The following ACACB variants were observed in gnomAD, a reference collection of about 807,000 sequenced individuals.
The protein encoded by ACACB is acetyl-CoA carboxylase 2.
In ACACB, 209 loss-of-function variants were observed where a neutral mutation model predicts 278.8. That is an observed-to-expected ratio of 0.75 (90% CI 0.67 to 0.84). The LOEUF (loss-of-function observed/expected upper bound fraction) is 0.84. ACACB is among the 40% of genes least tolerant of loss of function. The probability of loss-of-function intolerance (pLI) is 0.00; values close to 1 mark genes in which losing one functional copy is unlikely to be tolerated. For synonymous variants in ACACB, 1,174 were observed against 1,285.6 expected, an observed-to-expected ratio of 0.91 and a Z score of 1.86; for missense variants, 2,850 against 3,269.0, an observed-to-expected ratio of 0.87 and a Z score of 3.13.
At chr12:109,168,209 AC>A (rs781030070) in intron 4 of ACACB, among the ~76,000 whole-genome samples, 175 bp downstream of exon 4, 4 of 152,192 alleles carry the variant, frequency 2.6e-5, no homozygotes, top group Non-Finnish European at 4.4e-5. Flanking sequence ...GACATCAAGA[AC>A]AACTCATGTG....
intron 41 of ACACB, among the ~76,000 whole-genome samples, chr12:109,250,667 G>A (rs771129618): frequency 2.2e-4 from 33 of 152,114 alleles, no homozygotes; most frequent in Non-Finnish European, 3.4e-4. Context: ...AGTACTAGTA[G>A]TAATTCTAGT....
At chr12:109,135,872 C>T (rs1411792171) in intron 1 of ACACB, among the ~76,000 whole-genome samples, 3 of 143,390 alleles carry the variant, frequency 2.1e-5, no homozygotes, top group Non-Finnish European at 3.0e-5. Context: ...TGCAGTGGTG[C>T]GATCTCGGCT....
At chr12:109,128,625 C>T (rs2042743231) in intron 1 of ACACB, among the ~76,000 whole-genome samples, 1 of 152,156 alleles carries the variant, frequency 6.6e-6, no homozygotes. Context: ...GGGCGTGAGC[C>T]ACTGCACCCA....
chr12:109,205,285 C>T (rs1408634490), intron 19 of ACACB, among the ~76,000 whole-genome samples: 3 of 152,170 alleles, frequency 2.0e-5, no homozygotes, highest in African/African-American at 7.2e-5. Flanking sequence ...TGAGGCAGGG[C>T]CTGCCCACCC....
intron 6 of ACACB, among the ~76,000 whole-genome samples, chr12:109,173,272 C>T (rs902855129): frequency 3.3e-5 from 5 of 152,260 alleles, no homozygotes; most frequent in African/African-American, 9.6e-5. Flanking sequence ...CATAAGTTTA[C>T]CTATATAACA....
rs751422744 is a variant in ACACB, at chr12:109,258,274, G to A, written c.6270G>A (p.Gly2090=). The change falls in exon 46 of 53, where the codon GGG becomes GGA. Residue 2090 remains glycine (G), a synonymous_variant. Coordinates refer to ENST00000338432, the MANE Select transcript of ACACB (RefSeq NM_001093.4). ...ACTGGTGCTCATTTTCCAGGCTTGGGGGGATTCCCGTGGGAGTGATTGCTG... is the reference window on the plus strand; with the variant it reads ...ACTGGTGCTCATTTTCCAGGCTTGGAGGGATTCCCGTGGGAGTGATTGCTG... ...QTVVTGRARL[G]GIPVGVIAVE... 4.3e-6 allele frequency: 7 copies of A among 1,612,064 alleles called. No individual in the cohort carries two copies. The highest frequency in any genetic ancestry group is 5.9e-6 in the Non-Finnish European group (7 of 1,179,518).
chr12:109,162,513 G>A lies in ACACB; in HGVS notation c.654-4348G>A, dbSNP rs74755769. ...CCAGGTCCCCTCCCCTGTCTCCTGCGGCAGGGGCTGTCCACTTCGACCCCA... is the reference window on the plus strand; with the variant it reads ...CCAGGTCCCCTCCCCTGTCTCCTGCAGCAGGGGCTGTCCACTTCGACCCCA... On this transcript the variant is annotated intron_variant, in intron 2 of 52. Transcript: ENST00000338432. 3.3e-5 allele frequency among the ~76,000 whole-genome samples: 5 copies of A among 152,188 alleles called. No homozygotes were observed. In the East Asian group the frequency reaches 5.8e-4, roughly 18 times the overall value.
intron 9 of ACACB, among the ~76,000 whole-genome samples, chr12:109,176,863 C>T (rs116406610): frequency 1.4e-3 from 207 of 152,308 alleles, no homozygotes; most frequent in African/African-American, 4.7e-3. Flanking sequence ...GTGATCCACC[C>T]GCCCTGGCCT....
At chr12:109,189,537 G>A (rs1234055976) in intron 13 of ACACB, among the ~76,000 whole-genome samples, 1 of 152,092 alleles carries the variant, frequency 6.6e-6, no homozygotes, top group Non-Finnish European at 1.5e-5. Flanking sequence ...AGTCCAGTAG[G>A]GGGATCAACT....
chr12:109,179,896 C>T, intron 10 of ACACB, 21 bp from the exon 11 acceptor site: 1 of 1,593,220 alleles, frequency 6.3e-7, no homozygotes, highest in Non-Finnish European at 8.6e-7. Flanking sequence ...ACCCCCTTGG[C>T]CTCTTTCTGT....
intron 28 of ACACB, among the ~76,000 whole-genome samples, chr12:109,231,787 G>A (rs1020845734): frequency 2.6e-5 from 4 of 152,222 alleles, no homozygotes; most frequent in African/African-American, 7.2e-5. Flanking sequence ...CCCCCAGCAA[G>A]GAGTTGTGAC....
intron 2 of ACACB, among the ~76,000 whole-genome samples, chr12:109,158,057 C>G (rs1239880826): frequency 6.6e-6 from 1 of 152,138 alleles, no homozygotes; most frequent in Non-Finnish European, 1.5e-5. Context: ...GGGGACCCCA[C>G]CTCTACCCCC....
At position 109,210,352 on chromosome 12, in the gene ACACB, T is replaced by TA. The variant is rs1251374820; in HGVS notation, c.3249+999_3249+1000insA. On this transcript the variant is annotated intron_variant, in intron 21 of 52. Coordinates refer to ENST00000338432, the MANE Select transcript of ACACB (RefSeq NM_001093.4). ...ATATGTATATACACGCACACACATA[T>TA]CTGTGTATATATGTATATACACGCA... Among the ~76,000 whole-genome samples, 24 of 87,900 alleles carry TA rather than the reference T, an allele frequency of 2.7e-4. 4 individuals carry two copies. Among genetic ancestry groups the TA allele is most frequent in the African/African-American group, 1.0e-3 (23 of 22,124 alleles). The allele number at this position is 87,900 out of a possible 152,430, so 57.7% of individuals were successfully genotyped here. A position where few individuals can be genotyped will look rare whatever the true frequency, so the allele number is the denominator to read the frequency against.
intron 37 of ACACB, among the ~76,000 whole-genome samples, chr12:109,245,109 G>A (rs894858647): frequency 9.9e-5 from 15 of 151,638 alleles, no homozygotes; most frequent in African/African-American, 2.9e-4. Context: ...CACTGAATCC[G>A]GGAGGCAGAG....
Position 109,204,266 on chromosome 12 carries a change from T to C in ACACB, c.2914-2444T>C, listed in dbSNP as rs1338061140. Among the ~76,000 whole-genome samples the C allele has an allele frequency of 6.7e-5, 9 of 133,958 alleles. No individual in the cohort carries two copies. In the East Asian group the frequency reaches 9.6e-4, roughly 14 times the overall value. 87.9% of individuals were successfully genotyped at this position (133,958 alleles called of 152,430 possible). A position where few individuals can be genotyped will look rare whatever the true frequency, so the allele number is the denominator to read the frequency against. On this transcript the variant is annotated intron_variant, in intron 19 of 52. Transcript: ENST00000338432. ...AGTCACCCTGTTGTGCTATCAATAC[T>C]ATATCTTTTTTTTTTTTTTTTTTTT...
Position 109,223,631 on chromosome 12 carries a change from C to T in ACACB, c.3793-184C>T, listed in dbSNP as rs113732980. 9.1e-3 allele frequency among the ~76,000 whole-genome samples: 1,389 copies of T among 152,210 alleles called. 6 individuals are homozygous for T. The highest frequency in any genetic ancestry group is 0.015 in the Non-Finnish European group (1,047 of 68,018). On this transcript the variant is annotated intron_variant, in intron 26 of 52. Transcript: ENST00000338432. ...ACAAAAAAAAGAGCCACGATGTTGG[C>T]GCACGCTGTAGTCCCAGCTGCTCAA...
At chr12:109,120,167 A>G (rs1312979234) in intron 1 of ACACB, among the ~76,000 whole-genome samples, 1 of 152,130 alleles carries the variant, frequency 6.6e-6, no homozygotes, top group African/African-American at 2.4e-5. Context: ...ACTCCCCACA[A>G]AGTGAGGCTT....
chr12:109,212,157 G>A (rs572136912), intron 21 of ACACB, among the ~76,000 whole-genome samples: 3 of 152,230 alleles, frequency 2.0e-5, no homozygotes, highest in South Asian at 2.1e-4. Flanking sequence ...GTGTTTCAGG[G>A]TAGCTGGAAG....
chr12:109,164,777 G>A (rs1327026075), intron 2 of ACACB, among the ~76,000 whole-genome samples: 2 of 148,608 alleles, frequency 1.3e-5, no homozygotes, highest in African/African-American at 5.0e-5. Context: ...GAGTGCAGTG[G>A]TGCAATCTCG....
Sources: allele counts gnomAD v4.1 joint callset (sites outside exome capture counted in the v4.1 genomes callset), GRCh38; gene constraint gnomAD v4.1.1; transcripts MANE v1.5; gene names NCBI Gene and HGNC (gene_info 2026-07-23, HGNC 2026-07-21).